ATAD1: variants seen among roughly 807,000 people sequenced by gnomAD.
The protein encoded by ATAD1 is ATPase family AAA domain containing 1, also known as outer mitochondrial transmembrane helix translocase.
A neutral mutation model predicts 42.7 loss-of-function variants in ATAD1; 18 were observed. That is an observed-to-expected ratio of 0.42 (90% CI 0.29 to 0.63). The LOEUF is 0.63. Among genes scored for constraint, ATAD1 ranks in the 20% least tolerant of loss-of-function variants. ATAD1 has a pLI of 0.19. For missense variants in ATAD1, 294 were observed against 440.4 expected (o/e 0.67, Z 2.98); for synonymous variants, 132 against 143.1 (o/e 0.92, Z 0.55).
chr10:87,788,057 T>C (rs1855920506), intron 4 of ATAD1, among the ~76,000 whole-genome samples: 1 of 152,214 alleles, frequency 6.6e-6, no homozygotes, highest in South Asian at 2.1e-4. Flanking sequence ...AAAAAATCAC[T>C]TTTTAAATAT....
chr10:87,755,832 A>G lies in ATAD1; in HGVS notation c.965+957T>C, dbSNP rs113774590. ...ACAGGAGAATCGCTTGAACCTGGGG[A>G]GAGAGGTTGCAGTGAGCCGAGATCA... is the stretch of plus-strand genomic sequence containing the variant. On this transcript the variant is annotated intron_variant, in intron 9 of 9. Transcript: ENST00000680024. 2.8e-3 allele frequency among the ~76,000 whole-genome samples: 423 copies of G among 151,824 alleles called. 2 individuals carry two copies. Among genetic ancestry groups the G allele is most frequent in the Non-Finnish European group, 4.6e-3 (312 of 67,898 alleles).
At chr10:87,765,674 T>C (rs971468873) in intron 8 of ATAD1, among the ~76,000 whole-genome samples, 3 of 152,156 alleles carry the variant, frequency 2.0e-5, no homozygotes, top group Non-Finnish European at 1.5e-5. Context: ...AAAATTCAAA[T>C]GCTTCTTAAA....
At chr10:87,793,298 T>C (rs1368957323) in intron 2 of ATAD1, among the ~76,000 whole-genome samples, 1 of 152,174 alleles carries the variant, frequency 6.6e-6, no homozygotes, top group Non-Finnish European at 1.5e-5. Flanking sequence ...AAGACAATTC[T>C]TGGGACTAGG....
chr10:87,771,552 T>G (rs1160665343), intron 6 of ATAD1, among the ~76,000 whole-genome samples: 1 of 152,082 alleles, frequency 6.6e-6, no homozygotes, highest in African/African-American at 2.4e-5. Flanking sequence ...TTCTCTATAT[T>G]TCACATCATC....
At chr10:87,834,192 G>C (rs187702508) in intron 1 of ATAD1, among the ~76,000 whole-genome samples, 1 of 152,134 alleles carries the variant, frequency 6.6e-6, no homozygotes, top group African/African-American at 2.4e-5. Context: ...GATTCAATTT[G>C]TTAATATTTT....
chr10:87,822,984 AAG>A (rs1857658679), upstream of ATAD1, among the ~76,000 whole-genome samples: 1 of 151,996 alleles, frequency 6.6e-6, no homozygotes, highest in African/African-American at 2.4e-5. Context: ...AAAAATAAGA[AAG>A]AATAAGATAG....
intron 1 of ATAD1, among the ~76,000 whole-genome samples, chr10:87,833,435 C>A (rs1338377668): frequency 6.6e-6 from 1 of 151,966 alleles, no homozygotes; most frequent in African/African-American, 2.4e-5. Flanking sequence ...ATTTTTATTT[C>A]TTCTTTCCCT....
chr10:87,797,157 C>T (rs1365761987), intron 2 of ATAD1, among the ~76,000 whole-genome samples: 1 of 152,140 alleles, frequency 6.6e-6, no homozygotes, highest in Admixed American at 6.5e-5. Context: ...ACCATTAGCA[C>T]AGTCAGTGAT....
chr10:87,779,551 G>A (rs1855472058), intron 5 of ATAD1, among the ~76,000 whole-genome samples: 1 of 152,102 alleles, frequency 6.6e-6, no homozygotes, highest in Admixed American at 6.5e-5. Flanking sequence ...CAATTAGCCT[G>A]ATTTGCTCAT....
At chr10:87,809,018 C>G (rs1857056473) in intron 2 of ATAD1, among the ~76,000 whole-genome samples, 1 of 152,094 alleles carries the variant, frequency 6.6e-6, no homozygotes, top group African/African-American at 2.4e-5. Context: ...TTCTATGGGC[C>G]TGAAGTTTTC....
chr10:87,759,856 A>G (rs1024566610), intron 8 of ATAD1: 1 of 415,018 alleles, frequency 2.4e-6, no homozygotes, highest in Non-Finnish European at 4.9e-6. Context: ...ATAGCTCACC[A>G]AAATGCTTGG....
intron 8 of ATAD1, chr10:87,759,659 C>A: frequency 7.9e-6 from 3 of 378,978 alleles, no homozygotes; most frequent in South Asian, 4.0e-5. Context: ...AAAGAAGATT[C>A]CAGTCACTGG....
At chr10:87,766,509 G>A (rs1001456196) in intron 8 of ATAD1, among the ~76,000 whole-genome samples, 2 of 152,134 alleles carry the variant, frequency 1.3e-5, no homozygotes, top group African/African-American at 4.8e-5. Context: ...AGAACAGTGT[G>A]TATGTGTTAT....
In ATAD1 at chr10:87,781,184, T is replaced by G. The variant is rs1048948264; in HGVS notation, c.583+3286A>C. On this transcript the variant is annotated intron_variant, in intron 5 of 9. Coordinates refer to ENST00000680024, the MANE Select transcript of ATAD1 (RefSeq NM_001321967.2). ...ATGACACAAGGAAACAAACCACTATTAAAAAAAAGTCAACATAAAGTAAAA... is the reference window on the plus strand; with the variant it reads ...ATGACACAAGGAAACAAACCACTATGAAAAAAAAGTCAACATAAAGTAAAA... Among the ~76,000 whole-genome samples the G allele has an allele frequency of 2.0e-5, 3 of 151,640 alleles. No homozygotes were observed. In the South Asian group the frequency reaches 6.3e-4, roughly 32 times the overall value.
Position 87,792,612 on chromosome 10 carries a change from ACCC to A in ATAD1, c.261+42_261+44del, listed in dbSNP as rs761639862. ...CCCCTGACACAAAATGCTAGAACCCACCCCCACCTCTAAAAAAATCTTAAATAA... is the reference window on the plus strand; with the variant it reads ...CCCCTGACACAAAATGCTAGAACCCACCACCTCTAAAAAAATCTTAAATAA... On this transcript the variant is annotated intron_variant, in intron 3 of 9. Transcript: ENST00000680024. The A allele has an allele frequency of 5.7e-6, 4 of 705,106 alleles. No homozygotes were observed. In the African/African-American group the frequency reaches 7.3e-5, roughly 13 times the overall value. 43.7% of individuals were successfully genotyped at this position (705,106 alleles called of 1,614,324 possible).
At chr10:87,831,682 A>G (rs1857832220) in intron 1 of ATAD1, among the ~76,000 whole-genome samples, 1 of 152,174 alleles carries the variant, frequency 6.6e-6, no homozygotes, top group Non-Finnish European at 1.5e-5. Flanking sequence ...TTTATCAATA[A>G]ATGTTAAATT....
chr10:87,791,204 CA>C (rs33991078), intron 3 of ATAD1, among the ~76,000 whole-genome samples: 28,469 of 97,248 alleles, frequency 0.29, 2,535 homozygotes, highest in Middle Eastern at 0.4. Context: ...GACTCTGTCT[CA>C]AAAAAAAAAA....
At chr10:87,839,810 A>G (rs1438188750) in intron 1 of ATAD1, among the ~76,000 whole-genome samples, 2 of 149,702 alleles carry the variant, frequency 1.3e-5, no homozygotes, top group Non-Finnish European at 2.9e-5. Flanking sequence ...TAGTAGATTT[A>G]AAGAAGTAAT....
At chr10:87,830,422 T>A (rs1291159319) in intron 1 of ATAD1, among the ~76,000 whole-genome samples, 1 of 152,240 alleles carries the variant, frequency 6.6e-6, no homozygotes, top group Non-Finnish European at 1.5e-5. Flanking sequence ...CTTTTAGGAA[T>A]GTAATCATCC....
Sources: gnomAD v4.1 joint callset for allele counts (sites outside exome capture counted in the v4.1 genomes callset) on GRCh38, gnomAD v4.1.1 for gene constraint, MANE v1.5 for transcripts, NCBI Gene and HGNC (gene_info 2026-07-23, HGNC 2026-07-21) for gene names.